BCAS3: variants seen among roughly 807,000 people sequenced by gnomAD.
The protein encoded by BCAS3 is BCAS4/BCAS3 fusion.
Under a neutral mutation model 116.1 loss-of-function variants are expected in BCAS3, and 53 were observed. The observed-to-expected ratio is 0.46, with a 90% CI of 0.37 to 0.57. The LOEUF (loss-of-function observed/expected upper bound fraction) is 0.57, where lower values mean the gene tolerates loss of function less well. Ranked by LOEUF, BCAS3 falls within the 20% of genes least tolerant of loss-of-function variation. The pLI, the probability that BCAS3 is intolerant of heterozygous loss-of-function variation, is 0.00. For missense variants in BCAS3, 917 were observed against 1,165.4 expected (o/e 0.79, Z 3.10); for synonymous variants, 391 against 408.2 (o/e 0.96, Z 0.51).
chr17:60,736,050 T>C (rs2040923419), intron 5 of BCAS3, among the ~76,000 whole-genome samples: 1 of 151,764 alleles, frequency 6.6e-6, no homozygotes, highest in African/African-American at 2.4e-5. Flanking sequence ...CTTTATTTTA[T>C]TTTCAGAGAC....
At chr17:61,192,988 A>C (rs984249371) in intron 22 of BCAS3, among the ~76,000 whole-genome samples, 5 of 152,234 alleles carry the variant, frequency 3.3e-5, no homozygotes, top group African/African-American at 1.2e-4. Context: ...ACTGCGGGGC[A>C]CTGTGGCTCA....
At chr17:61,109,395 G>T (rs2074909548) in intron 22 of BCAS3, among the ~76,000 whole-genome samples, 1 of 152,032 alleles carries the variant, frequency 6.6e-6, no homozygotes, top group African/African-American at 2.4e-5. Flanking sequence ...ATCGCAAATT[G>T]TGGTGCTATA....
intron 22 of BCAS3, among the ~76,000 whole-genome samples, chr17:61,271,936 A>G (rs1298280203): frequency 6.7e-6 from 1 of 148,604 alleles, no homozygotes; most frequent in African/African-American, 2.6e-5. Flanking sequence ...CAGCTTCTCA[A>G]GTTGCTGGGA....
rs1220202161 is a variant in BCAS3, at chr17:60,993,357, T to C, written c.1486+3122T>C. On this transcript the variant is annotated intron_variant, in intron 15 of 23. Coordinates refer to ENST00000407086, the MANE Select transcript of BCAS3 (RefSeq NM_017679.5). The surrounding 1 kb of genome is among the most constrained non-coding windows in gnomAD (Gnocchi z 4.2). ...TTCTCTCAGCTTTATTGCTTTCATG[T>C]CTCTCTGCATGTTTTTTTCAGAAAT... 6.6e-6 allele frequency among the ~76,000 whole-genome samples: 1 copy of C among 152,192 alleles called. No homozygotes were observed. Among genetic ancestry groups the C allele is most frequent in the Non-Finnish European group, 1.5e-5 (1 of 68,030 alleles).
intron 6 of BCAS3, among the ~76,000 whole-genome samples, chr17:60,792,583 C>T (rs2046871978): frequency 6.6e-6 from 1 of 152,188 alleles, no homozygotes; most frequent in South Asian, 2.1e-4. Flanking sequence ...AACAGTGGGG[C>T]CTGGTGAAGG....
intron 6 of BCAS3, among the ~76,000 whole-genome samples, chr17:60,777,890 AC>A (rs1277686152): frequency 6.6e-6 from 1 of 151,976 alleles, no homozygotes; most frequent in Non-Finnish European, 1.5e-5. Context: ...CTTAGTTACT[AC>A]CTTTCAGTTT....
chr17:60,880,996 A>G (rs2056084580), intron 9 of BCAS3, among the ~76,000 whole-genome samples: 1 of 150,444 alleles, frequency 6.6e-6, no homozygotes, highest in Non-Finnish European at 1.5e-5. Context: ...TGTTTTTGAG[A>G]CGGAGTCTCG....
chr17:61,046,136 G>C (rs1293087015), intron 19 of BCAS3, among the ~76,000 whole-genome samples: 1 of 90,488 alleles, frequency 1.1e-5, no homozygotes, highest in South Asian at 3.4e-4. Flanking sequence ...CAATACTGGC[G>C]CCAGTTTCAA....
At chr17:60,890,767 T>C (rs1173734477) in intron 10 of BCAS3, among the ~76,000 whole-genome samples, 1 of 152,220 alleles carries the variant, frequency 6.6e-6, no homozygotes, top group Non-Finnish European at 1.5e-5. Context: ...TAAAAGAATA[T>C]TACTATTTTT....
chr17:61,152,645 A>G (rs1434797974), intron 22 of BCAS3, among the ~76,000 whole-genome samples: 1 of 152,090 alleles, frequency 6.6e-6, no homozygotes, highest in Non-Finnish European at 1.5e-5. Context: ...GGGCCAAATG[A>G]TCCAGTTCTA....
intron 5 of BCAS3, 71 bp downstream of exon 5, chr17:60,709,396 A>G (rs2037575007): frequency 2.0e-6 from 2 of 1,010,998 alleles, no homozygotes; most frequent in South Asian, 2.8e-5. Flanking sequence ...ATCTGTAGAT[A>G]CTTTTTTTTT....
At chr17:60,929,817 G>T (rs2145179843) in intron 13 of BCAS3, among the ~76,000 whole-genome samples, 1 of 148,900 alleles carries the variant, frequency 6.7e-6, no homozygotes, top group African/African-American at 2.5e-5. Context: ...AGAACATGCG[G>T]TGTTTGGTTT....
At chr17:60,925,088 T>G (rs1431406948) in intron 13 of BCAS3, among the ~76,000 whole-genome samples, 2 of 151,446 alleles carry the variant, frequency 1.3e-5, no homozygotes, top group Non-Finnish European at 3.0e-5. Context: ...ATTTTACTAT[T>G]TTTTTAAAAA....
chr17:61,002,644 T>C (rs888965812), intron 15 of BCAS3: 1 of 152,162 alleles, frequency 6.6e-6, no homozygotes, highest in Non-Finnish European at 1.5e-5. Context: ...TTAATATCCT[T>C]TCTGAGTACT....
rs1352190714 is a variant in BCAS3, at chr17:61,259,672, C to T, written c.2426-108655C>T. On this transcript the variant is annotated intron_variant, in intron 22 of 23. Transcript: ENST00000407086. This position sits in a 1 kb window ranked among gnomAD's most constrained non-coding sequence, Gnocchi z 4.7. ...ATCAACCTACTTTCAAGAAGAGGCTCATGTTCTGGTTCCAGGGCACCAGCC... is the reference window on the plus strand; with the variant it reads ...ATCAACCTACTTTCAAGAAGAGGCTTATGTTCTGGTTCCAGGGCACCAGCC... Among the ~76,000 whole-genome samples, 1 of 152,132 alleles carries T rather than the reference C, an allele frequency of 6.6e-6. No individual in the cohort carries two copies. Among genetic ancestry groups the T allele is most frequent in the Non-Finnish European group, 1.5e-5 (1 of 68,024 alleles).
At chr17:60,996,822 A>G (rs545247243) in intron 15 of BCAS3, among the ~76,000 whole-genome samples, 2 of 152,328 alleles carry the variant, frequency 1.3e-5, no homozygotes, top group East Asian at 3.9e-4. Context: ...AAAACTATAT[A>G]TGAGAAATCC....
intron 22 of BCAS3, among the ~76,000 whole-genome samples, chr17:61,110,502 G>T (rs994744030): frequency 6.6e-6 from 1 of 152,188 alleles, no homozygotes; most frequent in African/African-American, 2.4e-5. Flanking sequence ...GGATAATTGG[G>T]TCACTCCCAC....
chr17:61,203,748 TC>T lies in BCAS3; in HGVS notation c.2425+119188del, dbSNP rs912078846. On this transcript the variant is annotated intron_variant, in intron 22 of 23. Coordinates refer to ENST00000407086, the MANE Select transcript of BCAS3 (RefSeq NM_017679.5). This position sits in a 1 kb window ranked among gnomAD's most constrained non-coding sequence, Gnocchi z 5.7. ...TTCCCAGCTGGAACTTTCAGCCTTG[TC>T]CCCGAGACCAAAAGCTCAATCAGTG... Among the ~76,000 whole-genome samples, 2 of 152,166 alleles carry T rather than the reference TC, an allele frequency of 1.3e-5. No individual in the cohort carries two copies. Among genetic ancestry groups the T allele is most frequent in the African/African-American group, 4.8e-5 (2 of 41,432 alleles).
intron 13 of BCAS3, among the ~76,000 whole-genome samples, chr17:60,934,330 A>G (rs2059811031): frequency 6.6e-6 from 1 of 152,210 alleles, no homozygotes; most frequent in South Asian, 2.1e-4. Context: ...TGCTCAGTTG[A>G]TAGTGAATGA....
Sources: allele counts gnomAD v4.1 joint callset (sites outside exome capture counted in the v4.1 genomes callset), GRCh38; gene constraint gnomAD v4.1.1; non-coding constraint Gnocchi (gnomAD v3.1); transcripts MANE v1.5; gene names NCBI Gene and HGNC (gene_info 2026-07-23, HGNC 2026-07-21).